Variants in MSN observed in about 807,000 individuals in gnomAD.
MSN encodes the protein moesin.
In MSN, 2 loss-of-function variants were observed where a neutral mutation model predicts 48.0. The observed-to-expected ratio is 0.04, with a 90% confidence interval of 0.02 to 0.13. The LOEUF (loss-of-function observed/expected upper bound fraction) is 0.13. Among genes scored for constraint, MSN ranks in the 10% least tolerant of loss-of-function variants. The pLI, the probability that MSN is intolerant of heterozygous loss-of-function variation, is 1.00. For missense variants in MSN, 267 were observed against 470.1 expected (o/e 0.57, Z 3.99); for synonymous variants, 146 against 166.9 (o/e 0.87, Z 0.97).
At position 65,737,268 on chromosome X, in the gene MSN, A is replaced by G. The variant is rs767552861; in HGVS notation, c.1181A>G (p.Gln394Arg). The G allele has an allele frequency of 1.3e-4, 158 of 1,209,532 alleles. No homozygotes were observed. The highest frequency in any genetic ancestry group is 1.7e-4 in the Non-Finnish European group (149 of 895,051). ...GCTGAAAAGCTGGCCAAGGAGCGTCAAGAAGCTGAAGAGGCCAAGGAGGCC... is the reference window on the plus strand; with the variant it reads ...GCTGAAAAGCTGGCCAAGGAGCGTCGAGAAGCTGAAGAGGCCAAGGAGGCC... Reference protein sequence around the residue: ...SEAEKLAKERQEAEEAKEALL... With the variant: ...SEAEKLAKERREAEEAKEALL... Residue 394 changes from glutamine (Q) to arginine (R), a missense_variant, in exon 10 of 13, where the codon CAA (glutamine) becomes CGA (arginine). This residue lies in a region of MSN where 70 missense variants were observed against 76.3 expected (regional missense o/e 0.92). Coordinates refer to ENST00000360270, the MANE Select transcript of MSN (RefSeq NM_002444.3).
intron 2 of MSN, among the ~76,000 whole-genome samples, chrX:65,721,220 G>T (rs1220330353): frequency 1.8e-5 from 2 of 112,112 alleles, no homozygotes; most frequent in Non-Finnish European, 1.9e-5. Flanking sequence ...AGGTTCCATG[G>T]GGTGATATAT....
rs746462192 is a variant in MSN, at chrX:65,588,486, G to T, written c.-148G>T. The T allele has an allele frequency of 8.7e-6, 6 of 693,559 alleles. No homozygotes were observed. The East Asian group carries it at 4.3e-4, about 50-fold the overall frequency. The allele number at this position is 693,559 out of a possible 1,213,427, so 57.2% of individuals were successfully genotyped here. ...GGGCCTGAGATCTCTCCATGCAGGG[G>T]CAGCCATGAGCTCCGGGGGCAGCAG... is the stretch of plus-strand genomic sequence containing the variant. On this transcript the variant is annotated 5_prime_UTR_variant, in exon 1 of 4. Coordinates refer to the MSN transcript ENST00000609672.
intron 1 of MSN, among the ~76,000 whole-genome samples, chrX:65,600,071 G>A (rs1253484714): frequency 9.0e-6 from 1 of 110,525 alleles, no homozygotes; most frequent in African/African-American, 3.3e-5. Flanking sequence ...TGGTTTTGGG[G>A]GTGGCTTTCT....
Position 65,726,141 on chromosome X carries a change from C to A in MSN, c.97-1673C>A, listed in dbSNP as rs141935444. On this transcript the variant is annotated intron_variant, in intron 2 of 12. Coordinates refer to ENST00000360270, the MANE Select transcript of MSN (RefSeq NM_002444.3). ...TCCCCAAAGTGGTTGTCGCTTGGGT[C>A]TAGTGGGAATGCCAGGAAGCATATC... Among the ~76,000 whole-genome samples, 498 of 111,184 alleles carry A rather than the reference C, an allele frequency of 4.5e-3. 6 individuals are homozygous for A. The highest frequency in any genetic ancestry group is 0.015 in the African/African-American group (468 of 30,580).
chrX:65,671,988 C>T (rs764156769), intron 1 of MSN, among the ~76,000 whole-genome samples: 2 of 112,398 alleles, frequency 1.8e-5, no homozygotes, highest in Admixed American at 1.9e-4. Flanking sequence ...AATGATGGAG[C>T]TGGAAAGGAC....
Position 65,612,893 on chromosome X carries a change from T to A in MSN, c.-22+24281T>A, listed in dbSNP as rs952222675. The stretch of plus-strand genomic sequence containing the variant: ...GGGGGGGTACGATACAACTTTTTTT[T>A]ATATATACTTTAAGTTCTGGGATAC... On this transcript the variant is annotated intron_variant, in intron 1 of 3. Transcript: ENST00000609672. Among the ~76,000 whole-genome samples, 13 of 108,855 alleles carry A rather than the reference T, an allele frequency of 1.2e-4. 3 individuals are homozygous for A. Among genetic ancestry groups the A allele is most frequent in the Non-Finnish European group, 1.9e-5 (1 of 52,448 alleles). The allele number at this position is 108,855 out of a possible 115,157, so 94.5% of individuals were successfully genotyped here. A position where few individuals can be genotyped will look rare whatever the true frequency, so the allele number is the denominator to read the frequency against.
intron 1 of MSN, among the ~76,000 whole-genome samples, chrX:65,596,825 G>A (rs1296298864): frequency 1.5e-5 from 1 of 66,828 alleles, no homozygotes; most frequent in Non-Finnish European, 2.8e-5. Context: ...AGACAGCAGT[G>A]TCCCTCAAAT....
rs778711127 is a variant in MSN at position 65,617,896 on chromosome X, G to T, written c.-22+29284G>T. ...GCTTTGAATGCATCCCAGAGATTCT[G>T]GTATGTTGTGTCTTTGTTCTCGTTG... is the stretch of plus-strand genomic sequence containing the variant. On this transcript the variant is annotated intron_variant, in intron 1 of 3. Transcript: ENST00000609672. Among the ~76,000 whole-genome samples the T allele has an allele frequency of 1.3e-3, 142 of 109,544 alleles. No individual in the cohort carries two copies. In the South Asian group the frequency reaches 0.015, roughly 12 times the overall value.
At chrX:65,619,492 G>C (rs1163195507) in intron 1 of MSN, among the ~76,000 whole-genome samples, 31 of 98,875 alleles carry the variant, frequency 3.1e-4, no homozygotes, top group South Asian at 7.8e-4. Flanking sequence ...TCTTCCAGTT[G>C]ATCGCATCGG....
At chrX:65,599,504 G>A (rs944422418) in intron 1 of MSN, among the ~76,000 whole-genome samples, 1 of 111,535 alleles carries the variant, frequency 9.0e-6, no homozygotes, top group Non-Finnish European at 1.9e-5. Context: ...GTAGTGGCAT[G>A]TGCCTGTAGT....
intron 1 of MSN, among the ~76,000 whole-genome samples, chrX:65,598,077 C>T (rs762685937): frequency 1.8e-5 from 2 of 111,463 alleles, no homozygotes; most frequent in East Asian, 5.6e-4. Flanking sequence ...TCTACCTCTC[C>T]TTACCAGCAA....
Position 65,642,134 on chromosome X carries a change from C to CAA in MSN, c.-22+53540_-22+53541dup, listed in dbSNP as rs1220561125. Among the ~76,000 whole-genome samples, 451 of 59,171 alleles carry CAA rather than the reference C, an allele frequency of 7.6e-3. 15 individuals carry two copies. The highest frequency in any genetic ancestry group is 0.015 in the South Asian group (11 of 719). 51.4% of individuals were successfully genotyped at this position (59,171 alleles called of 115,157 possible). A position where few individuals can be genotyped will look rare whatever the true frequency, so the allele number is the denominator to read the frequency against. ...GGGCAACAAGAGCGAAACTCCATCT[C>CAA]AAAAAAAAAAAAAAAAAAAGAAAGA... On this transcript the variant is annotated intron_variant, in intron 1 of 3. Transcript: ENST00000609672.
At chrX:65,625,210 G>T (rs991743322) in intron 1 of MSN, 1 of 112,397 alleles carries the variant, frequency 8.9e-6, no homozygotes, top group African/African-American at 3.2e-5. Flanking sequence ...CTATTCTGGA[G>T]AATGTTTCAT....
chrX:65,712,165 G>A (rs1436302126), intron 1 of MSN, among the ~76,000 whole-genome samples: 1 of 111,135 alleles, frequency 9.0e-6, no homozygotes, highest in Non-Finnish European at 1.9e-5. Context: ...AGGAAGCCTA[G>A]GGTAGGACCA....
intron 1 of MSN, among the ~76,000 whole-genome samples, chrX:65,685,049 G>A (rs1354270679): frequency 8.9e-6 from 1 of 111,862 alleles, no homozygotes; most frequent in East Asian, 2.8e-4. Context: ...TGAATTGGTG[G>A]AACACTTAAA....
chrX:65,722,395 G>T (rs1024705224), intron 2 of MSN, among the ~76,000 whole-genome samples: 1 of 96,913 alleles, frequency 1.0e-5, no homozygotes, highest in Non-Finnish European at 2.0e-5. Context: ...TCCTCTAGGC[G>T]TGCACGCTCG....
At chrX:65,708,381 C>T (rs925921155) in intron 1 of MSN, among the ~76,000 whole-genome samples, 4 of 111,097 alleles carry the variant, frequency 3.6e-5, no homozygotes, top group Admixed American at 1.9e-4. Context: ...CAACCTCTGC[C>T]TCCCAGGTTT....
chrX:65,697,225 G>A (rs2071253393), intron 1 of MSN, among the ~76,000 whole-genome samples: 1 of 110,952 alleles, frequency 9.0e-6, no homozygotes, highest in African/African-American at 3.3e-5. Context: ...GGGACATCCT[G>A]CTTAGGGGTA....
At chrX:65,601,834 G>C (rs2070238588) in intron 1 of MSN, among the ~76,000 whole-genome samples, 1 of 112,311 alleles carries the variant, frequency 8.9e-6, no homozygotes, top group Admixed American at 9.4e-5. Context: ...TGTTTCCTCT[G>C]ATTCAAATAC....
Sources: allele counts gnomAD v4.1 joint callset (sites outside exome capture counted in the v4.1 genomes callset), GRCh38; gene constraint gnomAD v4.1.1; regional missense constraint gnomAD v4.1.1; transcripts MANE v1.5; gene names NCBI Gene and HGNC (gene_info 2026-07-23, HGNC 2026-07-21).